The following MCF2L variants were observed in gnomAD, a reference collection of about 807,000 sequenced individuals.
The protein encoded by MCF2L is guanine nucleotide exchange factor DBS.
Under a neutral mutation model 153.4 loss-of-function variants are expected in MCF2L, and 97 were observed. That is an observed-to-expected ratio of 0.63 (90% CI 0.54 to 0.75). The LOEUF (loss-of-function observed/expected upper bound fraction) is 0.75. MCF2L is among the 30% of genes least tolerant of loss of function. The pLI, the probability that MCF2L is intolerant of heterozygous loss-of-function variation, is 0.00. For missense variants in MCF2L, 1,347 were observed against 1,495.2 expected, an observed-to-expected ratio of 0.90 and a Z score of 1.64; for synonymous variants, 659 against 632.2, an observed-to-expected ratio of 1.04 and a Z score of -0.64.
At chr13:112,914,174 T>TG (rs1440108932) in intron 2 of MCF2L, among the ~76,000 whole-genome samples, 2 of 152,264 alleles carry the variant, frequency 1.3e-5, no homozygotes, top group African/African-American at 4.8e-5. Context: ...TGAGGATTCT[T>TG]GCTCTGCACT....
rs148993027 is a variant in MCF2L at position 113,016,619 on chromosome 13, G to A, written c.163+1773G>A. On this transcript the variant is annotated intron_variant, in intron 2 of 29. Transcript: ENST00000535094. ...TCCCCTGTGGTACTGCTGCCCCCGCGTCATATGCTGCCCCCGCGTCGTATC... is the reference window on the plus strand; with the variant it reads ...TCCCCTGTGGTACTGCTGCCCCCGCATCATATGCTGCCCCCGCGTCGTATC... 5.4e-3 allele frequency among the ~76,000 whole-genome samples: 764 copies of A among 140,334 alleles called. 9 individuals carry two copies. The highest frequency in any genetic ancestry group is 0.018 in the African/African-American group (732 of 40,292). The allele number at this position is 140,334 out of a possible 152,430, so 92.1% of individuals were successfully genotyped here. A position where few individuals can be genotyped will look rare whatever the true frequency, so the allele number is the denominator to read the frequency against.
chr13:112,925,689 G>A (rs2081394539), intron 2 of MCF2L, among the ~76,000 whole-genome samples: 1 of 152,108 alleles, frequency 6.6e-6, no homozygotes, highest in African/African-American at 2.4e-5. Context: ...GCCTCCTGGG[G>A]TACTAGAAAT....
intron 2 of MCF2L, among the ~76,000 whole-genome samples, chr13:112,945,079 G>C (rs1156950054): frequency 1.3e-5 from 2 of 150,976 alleles, no homozygotes; most frequent in East Asian, 3.9e-4. Flanking sequence ...GTCCTGCCTG[G>C]AGCTGCTGTT....
Position 113,038,422 on chromosome 13 carries a change from G to A in MCF2L, c.279-6849G>A, listed in dbSNP as rs113978766. ...GGAGCTTGCAGTGAGCTGATATCGCGCCACTGCACTCCAGCCTGGGTGACA... is the reference window on the plus strand; with the variant it reads ...GGAGCTTGCAGTGAGCTGATATCGCACCACTGCACTCCAGCCTGGGTGACA... On this transcript the variant is annotated intron_variant, in intron 3 of 29. Coordinates refer to ENST00000535094, the MANE Select transcript of MCF2L (RefSeq NM_001112732.3). Among the ~76,000 whole-genome samples the A allele has an allele frequency of 1.2e-3, 177 of 147,208 alleles. 2 individuals are homozygous for A. Among genetic ancestry groups the A allele is most frequent in the African/African-American group, 3.8e-3 (151 of 39,500 alleles).
At chr13:113,092,490 C>A (rs1252189264) in intron 26 of MCF2L, among the ~76,000 whole-genome samples, 1 of 152,258 alleles carries the variant, frequency 6.6e-6, no homozygotes, top group African/African-American at 2.4e-5. Flanking sequence ...GAAGCCGGGC[C>A]ACTGCCCGTG....
rs1161290060 is a variant in MCF2L, at chr13:113,070,911, T to A, written c.996+738T>A. Among the ~76,000 whole-genome samples, 1 of 152,236 alleles carries A rather than the reference T, an allele frequency of 6.6e-6. No individual in the cohort carries two copies. The highest frequency in any genetic ancestry group is 6.5e-5 in the Admixed American group (1 of 15,292). On this transcript the variant is annotated intron_variant, in intron 9 of 29. Coordinates refer to ENST00000535094, the MANE Select transcript of MCF2L (RefSeq NM_001112732.3). The surrounding 1 kb of genome is among the most constrained non-coding windows in gnomAD (Gnocchi z 5.6). ...ACAAACATTGATATACTGATGTTGG[T>A]GTAAATGTAAGTTTTCATTTCTTGG...
rs753994260 is a variant in MCF2L at position 113,070,203 on chromosome 13, G to A, written c.996+30G>A. 114 of 1,461,326 alleles carry A rather than the reference G, an allele frequency of 7.8e-5. 1 individual carries two copies. Among genetic ancestry groups the A allele is most frequent in the South Asian group, 1.1e-4 (9 of 80,336 alleles). The allele number at this position is 1,461,326 out of a possible 1,614,324, so 90.5% of individuals were successfully genotyped here. A position where few individuals can be genotyped will look rare whatever the true frequency, so the allele number is the denominator to read the frequency against. Reference sequence around the variant, plus strand: ...GTGGCCCTGGGTGGAGCCGGCAGCCGCCCTGATGCTCACGGGGCCTCCTGT... The same window carrying A: ...GTGGCCCTGGGTGGAGCCGGCAGCCACCCTGATGCTCACGGGGCCTCCTGT... On this transcript the variant is annotated intron_variant, in intron 9 of 29. Transcript: ENST00000535094. This position sits in a 1 kb window ranked among gnomAD's most constrained non-coding sequence, Gnocchi z 5.6.
At chr13:112,930,560 G>A (rs2081451813) in intron 2 of MCF2L, among the ~76,000 whole-genome samples, 1 of 152,190 alleles carries the variant, frequency 6.6e-6, no homozygotes, top group Admixed American at 6.5e-5. Context: ...GAGCTCTGGG[G>A]ATTTTAGGGC....
chr13:112,897,899 G>A (rs938022742), intron 1 of MCF2L, among the ~76,000 whole-genome samples: 5 of 152,160 alleles, frequency 3.3e-5, no homozygotes, highest in Admixed American at 6.5e-5. Context: ...CCTGGCACCC[G>A]CTCTGTGCCA....
rs2082786786 is a variant in MCF2L, at chr13:112,989,108, CGG to C, written c.79+19651_79+19652del. Among the ~76,000 whole-genome samples the C allele has an allele frequency of 2.3e-4, 12 of 52,116 alleles. 2 individuals are homozygous for C. The highest frequency in any genetic ancestry group is 7.5e-4 in the African/African-American group (12 of 15,996). 34.2% of individuals were successfully genotyped at this position (52,116 alleles called of 152,430 possible). On this transcript the variant is annotated intron_variant, in intron 1 of 29. Transcript: ENST00000535094. ...TGAGCAGGGGATGGAGCTACCACAC[CGG>C]AGTCCTCCCTGAGCAGGGGATGGAG...
At chr13:113,042,644 C>T (rs1200969961) in intron 3 of MCF2L, 1 of 152,188 alleles carries the variant, frequency 6.6e-6, no homozygotes. Context: ...GCGTGAGAAG[C>T]CAGATGTGGG....
intron 2 of MCF2L, among the ~76,000 whole-genome samples, chr13:112,919,596 C>T (rs1022785539): frequency 5.3e-5 from 8 of 151,998 alleles, no homozygotes; most frequent in African/African-American, 9.7e-5. Context: ...TGCCTAGAAA[C>T]GCCTTGAGAA....
chr13:112,953,041 G>A (rs922463040), intron 2 of MCF2L, among the ~76,000 whole-genome samples: 1 of 152,228 alleles, frequency 6.6e-6, no homozygotes, highest in Non-Finnish European at 1.5e-5. Flanking sequence ...CTGCTTCTGG[G>A]TGATCCTCTG....
chr13:113,065,028 C>T lies in MCF2L; in HGVS notation c.699C>T (p.Asp233=), dbSNP rs748020871. The change falls in exon 7 of 30, where the codon GAC becomes GAT. Residue 233 remains aspartate, a synonymous_variant. Transcript: ENST00000535094. ...TELAETELPN[D]VQSTSSVLCA... is the part of the protein sequence containing the mutation. ...TGGCTGAAACAGAGCTGCCCAATGA[C>T]GTCCAGTCGACAAGCTCAGTGCTGT... The T allele has an allele frequency of 1.7e-5, 27 of 1,612,360 alleles. No individual in the cohort carries two copies. The highest frequency in any genetic ancestry group is 5.4e-5 in the African/African-American group (4 of 74,614).
At chr13:112,988,972 T>C (rs1383537260) in intron 1 of MCF2L, among the ~76,000 whole-genome samples, 1 of 137,896 alleles carries the variant, frequency 7.3e-6, no homozygotes, top group African/African-American at 2.9e-5. Flanking sequence ...GAGTCCTCCC[T>C]GAGCAGGGGA....
chr13:112,936,507 G>A (rs1386149074), intron 2 of MCF2L, among the ~76,000 whole-genome samples: 1 of 152,120 alleles, frequency 6.6e-6, no homozygotes, highest in Admixed American at 6.6e-5. Context: ...CTGGTTATTT[G>A]GGAAAAGGTG....
intron 2 of MCF2L, chr13:112,957,090 C>T (rs1011428558): frequency 2.7e-5 from 4 of 150,260 alleles, no homozygotes; most frequent in Admixed American, 2.6e-4. Context: ...ACAGGCCGCC[C>T]CCGAGAGCAA....
Position 112,943,504 on chromosome 13 carries a change from G to C in MCF2L, c.169+41133G>C, listed in dbSNP as rs2081598832. 6.6e-6 allele frequency among the ~76,000 whole-genome samples: 1 copy of C among 152,012 alleles called. No individual in the cohort carries two copies. The highest frequency in any genetic ancestry group is 2.4e-5 in the African/African-American group (1 of 41,426). ...CGGCCCGGGCTTTGAGAGACGGGCC[G>C]CTCTTCCCGGCGCGGTGCCTTCCAG... On this transcript the variant is annotated intron_variant, in intron 2 of 29. Transcript: ENST00000375608. The surrounding 1 kb of genome is among the most constrained non-coding windows in gnomAD (Gnocchi z 4.2).
At chr13:113,083,613 G>A (rs2034358057) in intron 17 of MCF2L, among the ~76,000 whole-genome samples, 1 of 152,206 alleles carries the variant, frequency 6.6e-6, no homozygotes, top group Non-Finnish European at 1.5e-5. Context: ...GCTGCCTAGG[G>A]CCAGGGCTCA....
Sources: gnomAD v4.1 joint callset for allele counts (sites outside exome capture counted in the v4.1 genomes callset) on GRCh38, gnomAD v4.1.1 for gene constraint, Gnocchi (gnomAD v3.1) non-coding constraint, MANE v1.5 for transcripts, NCBI Gene and HGNC (gene_info 2026-07-23, HGNC 2026-07-21) for gene names.